COL6A6: variants seen among roughly 807,000 people sequenced by gnomAD.
The protein encoded by COL6A6 is collagen alpha-6(VI) chain.
In COL6A6, 183 loss-of-function variants were observed where a neutral mutation model predicts 208.6. The observed-to-expected ratio is 0.88, with a 90% CI of 0.78 to 0.99. COL6A6 has a LOEUF of 0.99. COL6A6 is among the 50% of genes least tolerant of loss of function. COL6A6 has a pLI of 0.00. For missense variants in COL6A6, 2,816 were observed against 2,815.2 expected, an observed-to-expected ratio of 1.00 and a Z score of -0.01; for synonymous variants, 973 against 1,011.8, an observed-to-expected ratio of 0.96 and a Z score of 0.73.
rs2063038589 is a variant in COL6A6, at chr3:130,566,890, A to G, written c.1471A>G (p.Asn491Asp). 2 of 1,614,036 alleles carry G rather than the reference A, an allele frequency of 1.2e-6. No individual in the cohort carries two copies. The highest frequency in any genetic ancestry group is 1.7e-6 in the Non-Finnish European group (2 of 1,179,884). The change falls in exon 5 of 37, where the codon AAT becomes GAT. Residue 491 changes from asparagine to aspartate, a missense_variant. Transcript: ENST00000358511. ...CAGCTGGGACTTGGAATTTGAGATC[A>G]ATAAATACTCCAACAAGCAGGATTT... ...ADSWDLEFEI[N>D]KYSNKQDLGK...
intron 8 of COL6A6, among the ~76,000 whole-genome samples, chr3:130,579,038 T>A (rs1347796496): frequency 6.6e-6 from 1 of 152,212 alleles, no homozygotes; most frequent in Non-Finnish European, 1.5e-5. Context: ...CTTTCTTTTT[T>A]AATCTAAAAT....
chr3:130,525,885 G>A (rs2061950906), intron 1 of COL6A6, among the ~76,000 whole-genome samples: 1 of 152,138 alleles, frequency 6.6e-6, no homozygotes, highest in Admixed American at 6.5e-5. Context: ...AGCTCAAACA[G>A]CATTCCCTCA....
chr3:130,612,806 C>T (rs562025883), intron 23 of COL6A6, among the ~76,000 whole-genome samples: 2 of 152,182 alleles, frequency 1.3e-5, no homozygotes, highest in Admixed American at 1.3e-4. Flanking sequence ...TTTTCTTATG[C>T]CTGCTGGCCA....
Position 130,675,405 on chromosome 3 carries a change from C to A in COL6A6, c.*8C>A. The A allele has an allele frequency of 6.4e-7, 1 of 1,557,642 alleles. No homozygotes were observed. Among genetic ancestry groups the A allele is most frequent in the South Asian group, 1.2e-5 (1 of 81,928 alleles). Reference sequence around the variant, plus strand: ...CCCAAACAACATGATTAAAAAAATGCTTGAACAACTTAGCCTTAGGAAGCA... The same window carrying A: ...CCCAAACAACATGATTAAAAAAATGATTGAACAACTTAGCCTTAGGAAGCA... On this transcript the variant is annotated 3_prime_UTR_variant, in exon 37 of 37. Coordinates refer to ENST00000358511, the MANE Select transcript of COL6A6 (RefSeq NM_001102608.3).
chr3:130,538,233 G>A (rs960350735), intron 1 of COL6A6, among the ~76,000 whole-genome samples: 1 of 152,102 alleles, frequency 6.6e-6, no homozygotes, highest in Non-Finnish European at 1.5e-5. Context: ...TACTTTACAG[G>A]GGTACTCTCA....
At chr3:130,577,398 A>T (rs72992293) in intron 8 of COL6A6, among the ~76,000 whole-genome samples, 4,666 of 152,286 alleles carry the variant, frequency 0.031, 259 homozygotes, top group African/African-American at 0.11. Context: ...TCTGATATTG[A>T]CATTATAAAG....
Position 130,649,232 on chromosome 3 carries a change from C to T in COL6A6, c.5403C>T (p.Ala1801=), listed in dbSNP as rs1286045855. The T allele has an allele frequency of 1.9e-6, 3 of 1,592,552 alleles. No individual in the cohort carries two copies. Among genetic ancestry groups the T allele is most frequent in the Non-Finnish European group, 2.6e-6 (3 of 1,169,668 alleles). ...ENSCPVGAHI[A]ILSYNSHARH... Reference sequence around the variant, plus strand: ...GCTGCCCCGTGGGAGCGCACATCGCCATCCTCTCCTATAACTCCCACGCCA... The same window carrying T: ...GCTGCCCCGTGGGAGCGCACATCGCTATCCTCTCCTATAACTCCCACGCCA... Residue 1801 remains alanine (A), a synonymous_variant, in exon 33 of 37, where the codon GCC becomes GCT. Coordinates refer to ENST00000358511, the MANE Select transcript of COL6A6 (RefSeq NM_001102608.3).
At chr3:130,666,391 C>T (rs2066075368) in intron 36 of COL6A6, among the ~76,000 whole-genome samples, 1 of 152,122 alleles carries the variant, frequency 6.6e-6, no homozygotes, top group African/African-American at 2.4e-5. Context: ...TTAAGAGTAA[C>T]ATGTATGATG....
chr3:130,627,506 T>A, intron 26 of COL6A6, 137 bp downstream of exon 26: 1 of 716,408 alleles, frequency 1.4e-6, no homozygotes, highest in Non-Finnish European at 2.5e-6. Flanking sequence ...AGTAATTTAT[T>A]TGCTGCTATC....
chr3:130,542,992 G>A (rs1419664991), intron 1 of COL6A6, among the ~76,000 whole-genome samples: 1 of 140,174 alleles, frequency 7.1e-6, no homozygotes. Context: ...TGCAACCTCC[G>A]CCTCCCGGGT....
intron 32 of COL6A6, among the ~76,000 whole-genome samples, chr3:130,647,529 A>G (rs2065496438): frequency 6.6e-6 from 1 of 152,224 alleles, no homozygotes; most frequent in African/African-American, 2.4e-5. Flanking sequence ...AGACTAATAC[A>G]TGATTTCCTG....
Position 130,581,915 on chromosome 3 carries a change from T to C in COL6A6, c.3891+11T>C, listed in dbSNP as rs1246304794. ...GCTGCTCGAGGAAAGGTAACATGGATTTATCTTATTTGTTGGTCTATGATT... is the reference window on the plus strand; with the variant it reads ...GCTGCTCGAGGAAAGGTAACATGGACTTATCTTATTTGTTGGTCTATGATT... On this transcript the variant is annotated intron_variant, in intron 9 of 36. Transcript: ENST00000358511. The C allele has an allele frequency of 1.3e-6, 2 of 1,598,786 alleles. No homozygotes were observed. Among genetic ancestry groups the C allele is most frequent in the Non-Finnish European group, 1.7e-6 (2 of 1,169,622 alleles).
intron 1 of COL6A6, among the ~76,000 whole-genome samples, chr3:130,550,867 T>G (rs771656641): frequency 1.3e-5 from 2 of 152,194 alleles, no homozygotes; most frequent in African/African-American, 4.8e-5. Flanking sequence ...GTTTTTAACA[T>G]GAAGGGATGT....
rs138809071 is a variant in COL6A6 at position 130,567,301 on chromosome 3, G to A, written c.1843+39G>A. 7.5e-4 allele frequency: 1,095 copies of A among 1,456,452 alleles called. 11 individuals are homozygous for A. The African/African-American group carries it at 0.014, about 18-fold the overall frequency. 90.2% of individuals were successfully genotyped at this position (1,456,452 alleles called of 1,614,324 possible). The stretch of plus-strand genomic sequence containing the variant: ...TGGCTTTACCTACTGACCTTCACTC[G>A]CAAATTGCTATCCTGGCAATAATTG... On this transcript the variant is annotated intron_variant, in intron 5 of 36. Coordinates refer to ENST00000358511, the MANE Select transcript of COL6A6 (RefSeq NM_001102608.3).
At chr3:130,538,236 T>A (rs1423867144) in intron 1 of COL6A6, among the ~76,000 whole-genome samples, 1 of 152,162 alleles carries the variant, frequency 6.6e-6, no homozygotes, top group African/African-American at 2.4e-5. Flanking sequence ...TTTACAGGGG[T>A]ACTCTCAGGG....
chr3:130,542,887 A>G (rs1212452129), intron 1 of COL6A6, among the ~76,000 whole-genome samples: 2 of 133,684 alleles, frequency 1.5e-5, no homozygotes, highest in South Asian at 2.3e-4. Flanking sequence ...ATGTTTCTCC[A>G]TCCATTCACT....
chr3:130,596,695 C>T (rs2063860913), intron 18 of COL6A6, among the ~76,000 whole-genome samples: 1 of 152,152 alleles, frequency 6.6e-6, no homozygotes, highest in Non-Finnish European at 1.5e-5. Context: ...TTTGGAATTT[C>T]CCATACTGAC....
At chr3:130,669,557 G>C (rs550634357) in intron 36 of COL6A6, among the ~76,000 whole-genome samples, 145 of 152,168 alleles carry the variant, frequency 9.5e-4, no homozygotes, top group South Asian at 1.9e-3. Flanking sequence ...GGATGCACCA[G>C]AAGTCATGAT....
chr3:130,655,377 C>T (rs535840193), intron 33 of COL6A6, among the ~76,000 whole-genome samples: 1 of 152,326 alleles, frequency 6.6e-6, no homozygotes, highest in East Asian at 1.9e-4. Context: ...TGGACCCAGT[C>T]CAGCTTCTGC....
Sources: gnomAD v4.1 joint callset for allele counts (sites outside exome capture counted in the v4.1 genomes callset) on GRCh38, gnomAD v4.1.1 for gene constraint, MANE v1.5 for transcripts, NCBI Gene and HGNC (gene_info 2026-07-23, HGNC 2026-07-21) for gene names.